Variants in KIF16B observed in about 807,000 individuals in gnomAD.
KIF16B encodes kinesin-like protein KIF16B.
Under a neutral mutation model 156.3 loss-of-function variants are expected in KIF16B, and 98 were observed. The observed-to-expected ratio is 0.63, with a 90% CI of 0.53 to 0.74. The LOEUF (loss-of-function observed/expected upper bound fraction) is 0.74. Ranked by LOEUF, KIF16B falls within the 30% of genes least tolerant of loss-of-function variation. The pLI, the probability that KIF16B is intolerant of heterozygous loss-of-function variation, is 0.00. For missense variants in KIF16B, 1,421 were observed against 1,606.5 expected, an observed-to-expected ratio of 0.88 and a Z score of 1.97; for synonymous variants, 564 against 583.7, an observed-to-expected ratio of 0.97 and a Z score of 0.49.
chr20:16,502,091 C>A (rs2068643506), intron 10 of KIF16B, among the ~76,000 whole-genome samples: 1 of 152,014 alleles, frequency 6.6e-6, no homozygotes, highest in Non-Finnish European at 1.5e-5. Context: ...ATGTCAAAAC[C>A]TTTTGCTTTA....
chr20:16,278,293 C>T (rs2063094642), intron 25 of KIF16B, among the ~76,000 whole-genome samples: 1 of 152,050 alleles, frequency 6.6e-6, no homozygotes. Flanking sequence ...ACCAAACCAG[C>T]ACAACAACGT....
At chr20:16,525,588 T>A (rs2069510247) in intron 3 of KIF16B, among the ~76,000 whole-genome samples, 2 of 152,198 alleles carry the variant, frequency 1.3e-5, no homozygotes, top group South Asian at 4.1e-4. Flanking sequence ...TTGGACAAAT[T>A]CCAGCATCAT....
chr20:16,523,384 C>T (rs2069420053), intron 3 of KIF16B, among the ~76,000 whole-genome samples: 1 of 152,132 alleles, frequency 6.6e-6, no homozygotes, highest in South Asian at 2.1e-4. Context: ...TTCCTATACA[C>T]CAATAACAGA....
intron 1 of KIF16B, among the ~76,000 whole-genome samples, chr20:16,564,234 T>C (rs1260952111): frequency 6.6e-6 from 1 of 152,174 alleles, no homozygotes; most frequent in Non-Finnish European, 1.5e-5. Flanking sequence ...GGTTTCCAGC[T>C]TCACCCATGT....
At chr20:16,516,374 T>C (rs558991633) in intron 3 of KIF16B, among the ~76,000 whole-genome samples, 6 of 152,274 alleles carry the variant, frequency 3.9e-5, no homozygotes, top group Non-Finnish European at 8.8e-5. Context: ...GAAGTACAAA[T>C]GCTTCACCCA....
intron 1 of KIF16B, among the ~76,000 whole-genome samples, chr20:16,549,035 TCGTTA>T (rs781570632): frequency 1.3e-5 from 2 of 149,580 alleles, no homozygotes. Flanking sequence ...TGTTTTTTTT[TCGTTA>T]GTTTTTTTTT....
At chr20:16,318,509 C>T (rs2063730179) in intron 24 of KIF16B, among the ~76,000 whole-genome samples, 1 of 152,070 alleles carries the variant, frequency 6.6e-6, no homozygotes, top group African/African-American at 2.4e-5. Context: ...ACCTATGGCG[C>T]CAGAAAGCAC....
In KIF16B at chr20:16,427,134, G is replaced by T; in HGVS notation, c.1582C>A (p.Gln528Lys). Reference sequence around the variant, plus strand: ...TTTAGATGTGTGGCCTCCACGATCTGAACACCATTCACAGAGCACTGGGAC... The same window carrying T: ...TTTAGATGTGTGGCCTCCACGATCTTAACACCATTCACAGAGCACTGGGAC... ...SGSQCSVNGV[Q>K]IVEATHLNQG... Residue 528 changes from glutamine to lysine, a missense_variant, in exon 15 of 26, where the codon CAG (glutamine) becomes AAG (lysine). Physicochemically the swap from Gln to Lys is moderately conservative, Grantham distance 53 (BLOSUM62 1). Coordinates refer to ENST00000354981, the MANE Select transcript of KIF16B (RefSeq NM_024704.5). The T allele has an allele frequency of 6.2e-7, 1 of 1,611,090 alleles. No homozygotes were observed. Among genetic ancestry groups the T allele is most frequent in the Non-Finnish European group, 8.5e-7 (1 of 1,178,466 alleles).
intron 23 of KIF16B, among the ~76,000 whole-genome samples, chr20:16,348,976 GAC>G (rs1305750197): frequency 6.6e-6 from 1 of 152,190 alleles, no homozygotes; most frequent in Non-Finnish European, 1.5e-5. Flanking sequence ...CAGCCTTGAT[GAC>G]AACCAGCCTG....
At chr20:16,340,025 C>G (rs1030261625) in intron 23 of KIF16B, among the ~76,000 whole-genome samples, 1 of 152,206 alleles carries the variant, frequency 6.6e-6, no homozygotes. Context: ...CCATCTCACT[C>G]AGGGTATGAG....
chr20:16,330,351 G>C (rs538987449), intron 24 of KIF16B, among the ~76,000 whole-genome samples: 1 of 152,202 alleles, frequency 6.6e-6, no homozygotes, highest in East Asian at 1.9e-4. Context: ...GGGATTAGAA[G>C]GCTTAGCTGA....
At chr20:16,356,715 T>C (rs1438906406) in intron 22 of KIF16B, among the ~76,000 whole-genome samples, 1 of 152,164 alleles carries the variant, frequency 6.6e-6, no homozygotes, top group African/African-American at 2.4e-5. Context: ...TGAAGTTCCT[T>C]CCAATTTATA....
At chr20:16,558,543 G>A (rs191128599) in intron 1 of KIF16B, among the ~76,000 whole-genome samples, 1 of 152,336 alleles carries the variant, frequency 6.6e-6, no homozygotes, top group East Asian at 1.9e-4. Flanking sequence ...ACCAGGAACT[G>A]CAGATCATCA....
At chr20:16,366,114 A>G (rs923959604) in intron 22 of KIF16B, among the ~76,000 whole-genome samples, 4 of 152,024 alleles carry the variant, frequency 2.6e-5, no homozygotes, top group African/African-American at 7.2e-5. Context: ...GGAGCTAGAG[A>G]CCCTGAAGAG....
intron 1 of KIF16B, among the ~76,000 whole-genome samples, chr20:16,539,241 G>A (rs1479521549): frequency 1.3e-5 from 2 of 152,160 alleles, no homozygotes. Flanking sequence ...GAGCTCAGAA[G>A]ACAGAAGATG....
chr20:16,322,740 T>A (rs1331643961), intron 24 of KIF16B, among the ~76,000 whole-genome samples: 2 of 152,010 alleles, frequency 1.3e-5, no homozygotes, highest in Non-Finnish European at 2.9e-5. Context: ...TATAATAAGA[T>A]AGGTCAGCCA....
intron 1 of KIF16B, among the ~76,000 whole-genome samples, chr20:16,563,005 C>T (rs1251091310): frequency 6.6e-6 from 1 of 152,220 alleles, no homozygotes; most frequent in Admixed American, 6.5e-5. Flanking sequence ...TACTGATCAA[C>T]AATTACATTG....
intron 23 of KIF16B, among the ~76,000 whole-genome samples, chr20:16,348,529 G>T (rs948624870): frequency 1.4e-4 from 22 of 152,336 alleles, no homozygotes; most frequent in African/African-American, 5.3e-4. Flanking sequence ...AGCTGCAATT[G>T]CCTACAGAGA....
At chr20:16,519,840 G>C (rs2069272308) in intron 3 of KIF16B, among the ~76,000 whole-genome samples, 1 of 152,198 alleles carries the variant, frequency 6.6e-6, no homozygotes, top group South Asian at 2.1e-4. Context: ...CACTGGGACT[G>C]GTTAGACAGT....
Sources: gnomAD v4.1 joint callset for allele counts (sites outside exome capture counted in the v4.1 genomes callset) on GRCh38, gnomAD v4.1.1 for gene constraint, MANE v1.5 for transcripts, NCBI Gene and HGNC (gene_info 2026-07-23, HGNC 2026-07-21) for gene names.